GAS7: variants seen among roughly 807,000 people sequenced by gnomAD.
GAS7 encodes growth arrest specific 7.
GAS7 carries 28 observed loss-of-function variants against 71.1 expected under a neutral mutation model. The observed-to-expected ratio is 0.39, with a 90% CI of 0.29 to 0.54. The LOEUF is 0.54. Ranked by LOEUF, GAS7 falls within the 20% of genes least tolerant of loss-of-function variation. GAS7 has a pLI of 0.62. For missense variants in GAS7, 436 were observed against 627.8 expected, an observed-to-expected ratio of 0.69 and a Z score of 3.27; for synonymous variants, 258 against 245.8, an observed-to-expected ratio of 1.05 and a Z score of -0.46.
At chr17:10,072,261 C>T (rs1179313047) in intron 1 of GAS7, among the ~76,000 whole-genome samples, 1 of 152,194 alleles carries the variant, frequency 6.6e-6, no homozygotes, top group African/African-American at 2.4e-5. Context: ...ACACTATCTG[C>T]CCCGATACCT....
chr17:9,951,076 C>A (rs1165874679), intron 5 of GAS7, among the ~76,000 whole-genome samples: 1 of 152,182 alleles, frequency 6.6e-6, no homozygotes, highest in Non-Finnish European at 1.5e-5. Context: ...AGAGACAAGT[C>A]TCCTTCCTTC....
chr17:10,016,657 T>TAATCCC (rs1478941700), intron 2 of GAS7, among the ~76,000 whole-genome samples: 1 of 145,066 alleles, frequency 6.9e-6, no homozygotes, highest in Non-Finnish European at 1.5e-5. Flanking sequence ...AGGCATAGTG[T>TAATCCC]AATCCCAACA....
chr17:9,946,814 C>G, intron 6 of GAS7, 80 bp downstream of exon 6: 1 of 821,582 alleles, frequency 1.2e-6, no homozygotes, highest in South Asian at 1.5e-5. Flanking sequence ...ACTTTGAGAT[C>G]CAGGTCCCTC....
chr17:10,051,317 A>G (rs1449305135), intron 1 of GAS7, among the ~76,000 whole-genome samples: 2 of 152,194 alleles, frequency 1.3e-5, no homozygotes, highest in East Asian at 3.8e-4. Flanking sequence ...CTTTCCCAAC[A>G]GCACGGCTAA....
At chr17:10,166,017 T>TC (rs1419205538) in intron 1 of GAS7, among the ~76,000 whole-genome samples, 1 of 150,594 alleles carries the variant, frequency 6.6e-6, no homozygotes, top group Non-Finnish European at 1.5e-5. Flanking sequence ...TTTTCTTTTT[T>TC]TTTTTTTTCT....
chr17:9,970,858 G>A (rs1338297079), intron 3 of GAS7, among the ~76,000 whole-genome samples: 1 of 152,162 alleles, frequency 6.6e-6, no homozygotes, highest in Non-Finnish European at 1.5e-5. Flanking sequence ...CTACACGCAC[G>A]CTCCTGACAT....
intron 11 of GAS7, chr17:9,924,751 T>A (rs1411706321): frequency 6.6e-6 from 1 of 152,180 alleles, no homozygotes; most frequent in African/African-American, 2.4e-5. Context: ...GAAAGGGACC[T>A]ACAGACCAAA....
At chr17:10,008,305 C>G (rs1474535345) in intron 2 of GAS7, among the ~76,000 whole-genome samples, 1 of 152,198 alleles carries the variant, frequency 6.6e-6, no homozygotes, top group Non-Finnish European at 1.5e-5. Context: ...TCCTATTCTA[C>G]ACATTTGTTT....
intron 4 of GAS7, among the ~76,000 whole-genome samples, chr17:9,965,061 G>A (rs2069650671): frequency 6.6e-6 from 1 of 152,148 alleles, no homozygotes; most frequent in African/African-American, 2.4e-5. Flanking sequence ...CCCAGGCACT[G>A]GTGGGCAGGA....
chr17:10,189,015 T>C (rs1383303528), intron 1 of GAS7, among the ~76,000 whole-genome samples: 3 of 152,220 alleles, frequency 2.0e-5, no homozygotes, highest in African/African-American at 4.8e-5. Flanking sequence ...TCCTCTTTGT[T>C]TTGGGTTTTG....
At chr17:10,036,578 C>A in intron 1 of GAS7, 1 of 1,525,098 alleles carries the variant, frequency 6.6e-7, no homozygotes, top group Non-Finnish European at 8.8e-7. Context: ...TGAGGCAAGT[C>A]GCTAGCCCAG....
At chr17:10,124,245 T>C (rs2073927484) in intron 1 of GAS7, among the ~76,000 whole-genome samples, 1 of 152,126 alleles carries the variant, frequency 6.6e-6, no homozygotes, top group African/African-American at 2.4e-5. Flanking sequence ...GACATGGAAA[T>C]GACAGTCCAG....
At chr17:10,187,506 C>T (rs552027702) in intron 1 of GAS7, among the ~76,000 whole-genome samples, 1 of 152,184 alleles carries the variant, frequency 6.6e-6, no homozygotes, top group South Asian at 2.1e-4. Flanking sequence ...CTCAGTTACT[C>T]GCTTTGCTCA....
intron 9 of GAS7, among the ~76,000 whole-genome samples, chr17:9,930,853 GCCA>G (rs1156702440): frequency 2.6e-5 from 4 of 152,200 alleles, no homozygotes; most frequent in Non-Finnish European, 5.9e-5. Flanking sequence ...ACCGCTTGAG[GCCA>G]CCAACACTGA....
intron 1 of GAS7, among the ~76,000 whole-genome samples, chr17:10,033,711 T>C (rs745381630): frequency 3.9e-5 from 6 of 152,202 alleles, no homozygotes; most frequent in African/African-American, 7.2e-5. Flanking sequence ...TAAGAGTAGG[T>C]GCCTCTGACG....
intron 2 of GAS7, among the ~76,000 whole-genome samples, chr17:10,010,454 A>G (rs2071725972): frequency 6.6e-6 from 1 of 151,970 alleles, no homozygotes; most frequent in African/African-American, 2.4e-5. Flanking sequence ...GCCCAGCCTG[A>G]TTCTATTTCT....
intron 1 of GAS7, among the ~76,000 whole-genome samples, chr17:10,129,044 TTAAA>T (rs1285573984): frequency 6.6e-6 from 1 of 152,148 alleles, no homozygotes; most frequent in Non-Finnish European, 1.5e-5. Flanking sequence ...ACCCTTTGAC[TTAAA>T]TAAATAACAT....
chr17:10,068,454 T>G (rs113242053), intron 1 of GAS7, among the ~76,000 whole-genome samples: 3,602 of 152,130 alleles, frequency 0.024, 136 homozygotes, highest in African/African-American at 0.08. Flanking sequence ...GCATATGTTT[T>G]ACTTCTGGTA....
intron 1 of GAS7, chr17:10,059,849 G>A (rs2152241930): frequency 1.0e-6 from 1 of 978,512 alleles, no homozygotes; most frequent in Non-Finnish European, 1.2e-6. Flanking sequence ...CATTAAAATA[G>A]AGACTTGACG....
Sources: allele counts gnomAD v4.1 joint callset (sites outside exome capture counted in the v4.1 genomes callset), GRCh38; gene constraint gnomAD v4.1.1; transcripts MANE v1.5; gene names NCBI Gene and HGNC (gene_info 2026-07-23, HGNC 2026-07-21).